ANXA4: variants seen among roughly 807,000 people sequenced by gnomAD.
ANXA4 encodes 35-beta calcimedin.
ANXA4 carries 39 observed loss-of-function variants against 49.8 expected under a neutral mutation model. The observed-to-expected ratio is 0.78, with a 90% CI of 0.61 to 1.02. The LOEUF (loss-of-function observed/expected upper bound fraction) is 1.02, where lower values mean the gene tolerates loss of function less well. ANXA4 is among the 50% of genes least tolerant of loss of function. The probability of loss-of-function intolerance (pLI) is 0.00; values close to 1 mark genes in which losing one functional copy is unlikely to be tolerated. For missense variants in ANXA4, 360 were observed against 410.1 expected (o/e 0.88, Z 1.05); for synonymous variants, 134 against 152.5 (o/e 0.88, Z 0.89).
intron 2 of ANXA4, among the ~76,000 whole-genome samples, chr2:69,674,871 T>G (rs1282103813): frequency 6.6e-6 from 1 of 152,118 alleles, no homozygotes; most frequent in Non-Finnish European, 1.5e-5. Flanking sequence ...CTATTGATAA[T>G]TTTTTTAAAA....
chr2:69,717,807 G>C (rs1669689600), intron 2 of ANXA4, among the ~76,000 whole-genome samples: 1 of 152,174 alleles, frequency 6.6e-6, no homozygotes, highest in African/African-American at 2.4e-5. Flanking sequence ...AACTAAACTA[G>C]AATGTGCCTG....
intron 2 of ANXA4, among the ~76,000 whole-genome samples, chr2:69,714,225 T>G (rs1056390192): frequency 6.6e-6 from 1 of 150,822 alleles, no homozygotes; most frequent in African/African-American, 2.4e-5. Flanking sequence ...GGCCGGGGGG[T>G]GGGGTAAGGG....
At chr2:69,691,121 CT>C (rs796506961) in intron 2 of ANXA4, among the ~76,000 whole-genome samples, 2,334 of 144,948 alleles carry the variant, frequency 0.016, 57 homozygotes, top group African/African-American at 0.053. Context: ...CTGGTACAGT[CT>C]TTTTTTTTTT....
At position 69,754,506 on chromosome 2, in the gene ANXA4, C is replaced by G. The variant is rs751306306; in HGVS notation, c.-47+12331C>G. On this transcript the variant is annotated intron_variant, in intron 1 of 12. Transcript: ENST00000394295. ...CAAACTCCTGCACTCAGGGATTCTC[C>G]CACCTCAGCCTCCCAGTAGCTGAGA... 4.6e-5 allele frequency among the ~76,000 whole-genome samples: 7 copies of G among 152,264 alleles called. No individual in the cohort carries two copies. In the South Asian group the frequency reaches 6.2e-4, roughly 14 times the overall value.
intron 2 of ANXA4, among the ~76,000 whole-genome samples, chr2:69,664,487 G>A (rs1438307199): frequency 3.3e-5 from 5 of 152,074 alleles, no homozygotes; most frequent in Non-Finnish European, 2.9e-5. Flanking sequence ...CTTACTATGT[G>A]CCAGTCATTA....
intron 2 of ANXA4, among the ~76,000 whole-genome samples, chr2:69,699,395 C>T (rs761081976): frequency 2.6e-5 from 4 of 152,114 alleles, no homozygotes; most frequent in Non-Finnish European, 4.4e-5. Context: ...AATCCCAGCA[C>T]TTTGGAGACT....
intron 3 of ANXA4, among the ~76,000 whole-genome samples, chr2:69,802,025 C>G (rs531412605): frequency 1.3e-5 from 2 of 152,264 alleles, no homozygotes; most frequent in South Asian, 4.1e-4. Context: ...ATTTCAAGAG[C>G]TGAGTCCATG....
intron 1 of ANXA4, among the ~76,000 whole-genome samples, chr2:69,651,570 T>C (rs1676234339): frequency 6.6e-6 from 1 of 151,920 alleles, no homozygotes; most frequent in African/African-American, 2.4e-5. Flanking sequence ...TGGCGCAATC[T>C]CGGCTCACTG....
intron 2 of ANXA4, among the ~76,000 whole-genome samples, chr2:69,654,075 GCTCT>G (rs1174203731): frequency 6.6e-6 from 1 of 152,006 alleles, no homozygotes; most frequent in African/African-American, 2.4e-5. Flanking sequence ...TCATGATTTG[GCTCT>G]CTGTTTGTCT....
intron 3 of ANXA4, among the ~76,000 whole-genome samples, chr2:69,729,782 G>T (rs868082890): frequency 6.6e-6 from 1 of 152,170 alleles, no homozygotes. Context: ...TATTACTGGG[G>T]TGTGAATAAA....
At chr2:69,742,985 C>T (rs1293346971) in intron 1 of ANXA4, among the ~76,000 whole-genome samples, 2 of 152,186 alleles carry the variant, frequency 1.3e-5, no homozygotes, top group African/African-American at 4.8e-5. Flanking sequence ...CCACCCCCTT[C>T]CACTCCCTAC....
chr2:69,791,778 C>G (rs1672702584), intron 3 of ANXA4, among the ~76,000 whole-genome samples: 1 of 152,184 alleles, frequency 6.6e-6, no homozygotes, highest in Non-Finnish European at 1.5e-5. Context: ...TATGAACCAT[C>G]TTTTGAAGAG....
chr2:69,652,918 G>C (rs901591960), intron 1 of ANXA4: 10 of 152,186 alleles, frequency 6.6e-5, no homozygotes, highest in Non-Finnish European at 1.5e-4. Context: ...AAAATATAGA[G>C]TGGGGTTCCT....
intron 2 of ANXA4, among the ~76,000 whole-genome samples, chr2:69,661,221 CAAAAA>C (rs201916139): frequency 1.5e-5 from 1 of 67,832 alleles, no homozygotes; most frequent in Admixed American, 1.8e-4. Context: ...AAGCTTCAGA[CAAAAA>C]AAAAAAAAAA....
At chr2:69,746,616 C>A (rs1316468349) in intron 1 of ANXA4, among the ~76,000 whole-genome samples, 3 of 152,070 alleles carry the variant, frequency 2.0e-5, no homozygotes, top group Admixed American at 2.0e-4. Context: ...GAACCTGAAC[C>A]ACCACCTTTG....
intron 3 of ANXA4, among the ~76,000 whole-genome samples, chr2:69,798,093 C>A (rs562621762): frequency 6.6e-6 from 1 of 152,246 alleles, no homozygotes; most frequent in East Asian, 1.9e-4. Context: ...AGTGCTGGTT[C>A]CTCACATGGG....
intron 3 of ANXA4, among the ~76,000 whole-genome samples, chr2:69,726,269 C>T (rs547571995): frequency 1.3e-5 from 2 of 152,268 alleles, no homozygotes; most frequent in East Asian, 3.9e-4. Flanking sequence ...TCCATTTTAC[C>T]TTCTGCCATA....
intron 1 of ANXA4, among the ~76,000 whole-genome samples, chr2:69,747,637 A>T (rs1367761003): frequency 1.3e-5 from 2 of 152,196 alleles, no homozygotes; most frequent in Non-Finnish European, 2.9e-5. Flanking sequence ...AGTCATGGAT[A>T]CAGGTTGAGC....
chr2:69,694,418 A>C (rs989256500), intron 2 of ANXA4, among the ~76,000 whole-genome samples: 46 of 151,156 alleles, frequency 3.0e-4, no homozygotes, highest in African/African-American at 1.1e-3. Context: ...CACATCGTGC[A>C]GGTTTGTTAC....
Sources: gnomAD v4.1 joint callset for allele counts (sites outside exome capture counted in the v4.1 genomes callset) on GRCh38, gnomAD v4.1.1 for gene constraint, MANE v1.5 for transcripts, NCBI Gene and HGNC (gene_info 2026-07-23, HGNC 2026-07-21) for gene names.